The following IARS1 variants were observed in gnomAD, a reference collection of about 807,000 sequenced individuals.
IARS1 encodes the protein isoleucine--tRNA ligase, cytoplasmic.
A neutral mutation model predicts 168.2 loss-of-function variants in IARS1; 124 were observed. The observed-to-expected ratio is 0.74, with a 90% CI of 0.64 to 0.86. IARS1 has a LOEUF of 0.86. Among genes scored for constraint, IARS1 ranks in the 40% least tolerant of loss-of-function variants. IARS1 has a pLI of 0.00. For missense variants in IARS1, 1,452 were observed against 1,515.8 expected (o/e 0.96, Z 0.70); for synonymous variants, 532 against 529.4 (o/e 1.00, Z -0.07).
At chr9:92,253,258 G>A (rs1830267388) in intron 21 of IARS1, 104 bp downstream of exon 21, 1 of 731,442 alleles carries the variant, frequency 1.4e-6, no homozygotes, top group Non-Finnish European at 2.4e-6. Context: ...TTCAAAAACG[G>A]AGAGCAACTG....
At chr9:92,234,228 CT>C (rs1355630474) in intron 30 of IARS1, among the ~76,000 whole-genome samples, 1 of 152,088 alleles carries the variant, frequency 6.6e-6, no homozygotes, top group East Asian at 1.9e-4. Context: ...AATATGATTT[CT>C]ATTCAATTAC....
chr9:92,213,851 G>A (rs970246864), intron 33 of IARS1, among the ~76,000 whole-genome samples: 10 of 151,820 alleles, frequency 6.6e-5, no homozygotes, highest in Non-Finnish European at 1.2e-4. Context: ...AACTCTTGTC[G>A]CCCAGGCTGG....
intron 28 of IARS1, 26 bp from the exon 29 acceptor site, chr9:92,242,356 A>G (rs769593590): frequency 9.5e-6 from 15 of 1,580,814 alleles, no homozygotes; most frequent in Non-Finnish European, 1.3e-5. Flanking sequence ...GAAAAATTTA[A>G]AAGGGAAGTA....
At chr9:92,216,620 ATCCTAGTC>A (rs1370408152) in intron 33 of IARS1, among the ~76,000 whole-genome samples, 2 of 135,082 alleles carry the variant, frequency 1.5e-5, no homozygotes, top group Non-Finnish European at 3.1e-5. Context: ...AGGGGTTGCA[ATCCTAGTC>A]TCGGATAAAA....
intron 7 of IARS1, 40 bp downstream of exon 7, chr9:92,280,706 C>G (rs1204013712): frequency 7.2e-7 from 1 of 1,382,150 alleles, no homozygotes; most frequent in Admixed American, 2.1e-5. Flanking sequence ...ATAAAATTAT[C>G]TTATCCATAT....
At chr9:92,256,520 T>C in intron 20 of IARS1, 160 bp downstream of exon 20, 1 of 693,314 alleles carries the variant, frequency 1.4e-6, no homozygotes, top group Non-Finnish European at 2.2e-6. Context: ...AACAAAGATA[T>C]CACGACAATT....
intron 32 of IARS1, among the ~76,000 whole-genome samples, 177 bp downstream of exon 32, chr9:92,223,169 T>C (rs1348532775): frequency 6.6e-6 from 1 of 152,226 alleles, no homozygotes; most frequent in Admixed American, 6.5e-5. Flanking sequence ...GCCAGATGGA[T>C]GAGGGTCTCT....
chr9:92,254,470 C>T lies in IARS1; in HGVS notation c.2138-1017G>A, dbSNP rs536634656. ...GTCTAAGCTAAGAGACGAGAAGTTGCAACCGGCAGAGCTGCTCTCTGCTGC... is the reference window on the plus strand; with the variant it reads ...GTCTAAGCTAAGAGACGAGAAGTTGTAACCGGCAGAGCTGCTCTCTGCTGC... On this transcript the variant is annotated intron_variant, in intron 20 of 33. Coordinates refer to ENST00000443024, the MANE Select transcript of IARS1 (RefSeq NM_002161.6). 2.6e-5 allele frequency among the ~76,000 whole-genome samples: 4 copies of T among 152,322 alleles called. No individual in the cohort carries two copies. The South Asian group carries it at 8.3e-4, about 32-fold the overall frequency.
At chr9:92,233,536 T>C (rs1827036896) in intron 30 of IARS1, among the ~76,000 whole-genome samples, 1 of 152,210 alleles carries the variant, frequency 6.6e-6, no homozygotes, top group African/African-American at 2.4e-5. Context: ...ATCATAACTC[T>C]TGTGAAGTAA....
At chr9:92,232,785 C>A (rs920969466) in intron 30 of IARS1, among the ~76,000 whole-genome samples, 3 of 152,134 alleles carry the variant, frequency 2.0e-5, no homozygotes, top group Non-Finnish European at 4.4e-5. Flanking sequence ...ACTGTCTCTA[C>A]AGAAAAGAAA....
rs1258533207 is a variant in IARS1 at position 92,268,163 on chromosome 9, C to T, written c.1431+11G>A. ...CAAAAATCAACACAAGGAAATACTG[C>T]CATGCCTCACCTCCTCAAAGTCATC... On this transcript the variant is annotated intron_variant, in intron 14 of 33. Transcript: ENST00000443024. 1.3e-6 allele frequency: 2 copies of T among 1,564,676 alleles called. No homozygotes were observed. The highest frequency in any genetic ancestry group is 1.7e-6 in the Non-Finnish European group (2 of 1,161,774).
Position 92,271,675 on chromosome 9 carries a change from A to G in IARS1, c.991-20T>C. ...GTCCTCCTGAGAAAAGGCAAAAGAG[A>G]GGGAAGAATAAAACAGTCTATGTAT... On this transcript the variant is annotated intron_variant, in intron 10 of 33. Transcript: ENST00000443024. The G allele has an allele frequency of 6.2e-7, 1 of 1,613,664 alleles. No individual in the cohort carries two copies.
intron 31 of IARS1, among the ~76,000 whole-genome samples, chr9:92,228,302 G>A (rs938556499): frequency 6.6e-6 from 1 of 151,664 alleles, no homozygotes; most frequent in Non-Finnish European, 1.5e-5. Flanking sequence ...TTTTTTCAGA[G>A]GTCACAATTC....
At chr9:92,251,036 C>T (rs1339105571) in intron 22 of IARS1, 2 of 620,048 alleles carry the variant, frequency 3.2e-6, no homozygotes, top group Non-Finnish European at 6.0e-6. Context: ...GATAGAAAAA[C>T]CCAAAGCACC....
chr9:92,285,237 A>C (rs1259300121), intron 6 of IARS1, among the ~76,000 whole-genome samples: 5 of 152,196 alleles, frequency 3.3e-5, no homozygotes, highest in African/African-American at 4.8e-5. Flanking sequence ...TAAACATCAA[A>C]CATGTCTAAA....
At chr9:92,291,624 A>C (rs1001312661) in intron 1 of IARS1, among the ~76,000 whole-genome samples, 1 of 152,162 alleles carries the variant, frequency 6.6e-6, no homozygotes, top group Non-Finnish European at 1.5e-5. Context: ...TCTTATTATA[A>C]CCTCTAGCCT....
At position 92,269,956 on chromosome 9, in the gene IARS1, T is replaced by C; in HGVS notation, c.1233A>G (p.Ala411=). Residue 411 remains alanine (A), a synonymous_variant, in exon 13 of 34, where the codon GCA becomes GCG. Coordinates refer to ENST00000443024, the MANE Select transcript of IARS1 (RefSeq NM_002161.6). ...CCACTCGCACAAACCAGCTGGGCAC[T>C]GCTTTGTAAATTAGAGGAGTGTCTG... ...WRSDTPLIYK[A]VPSWFVRVEN... 1 of 1,613,668 alleles carries C rather than the reference T, an allele frequency of 6.2e-7. No homozygotes were observed. The highest frequency in any genetic ancestry group is 1.1e-5 in the South Asian group (1 of 91,086).
chr9:92,293,007 T>C (rs1836625754), intron 1 of IARS1, among the ~76,000 whole-genome samples: 1 of 152,240 alleles, frequency 6.6e-6, no homozygotes, highest in South Asian at 2.1e-4. Context: ...ATGTGGATCC[T>C]ACCTATAAGC....
intron 31 of IARS1, among the ~76,000 whole-genome samples, chr9:92,224,947 G>T (rs982861988): frequency 1.3e-5 from 2 of 152,138 alleles, no homozygotes; most frequent in African/African-American, 4.8e-5. Context: ...ACCCAGACTG[G>T]GAGGAAGAAT....
Sources: allele counts gnomAD v4.1 joint callset (sites outside exome capture counted in the v4.1 genomes callset), GRCh38; gene constraint gnomAD v4.1.1; transcripts MANE v1.5; gene names NCBI Gene and HGNC (gene_info 2026-07-23, HGNC 2026-07-21).